Variants in CA10 observed in about 807,000 individuals in gnomAD.
CA10 encodes the protein carbonic anhydrase 10 (inactive), also known as carbonic anhydrase-related protein 10.
A neutral mutation model predicts 44.2 loss-of-function variants in CA10; 14 were observed. The ratio of observed to expected loss-of-function variants is 0.32; its 90% CI spans 0.21 to 0.50. The LOEUF is 0.50. CA10 is among the 20% of genes least tolerant of loss of function. The pLI is 0.99. For synonymous variants in CA10, 159 were observed against 141.6 expected (o/e 1.12, Z -0.87); for missense variants, 350 against 409.7 (o/e 0.85, Z 1.26).
intron 4 of CA10, among the ~76,000 whole-genome samples, chr17:51,675,657 A>C (rs1329825941): frequency 6.6e-6 from 1 of 151,786 alleles, no homozygotes; most frequent in Non-Finnish European, 1.5e-5. Flanking sequence ...CGGAGGTTGC[A>C]GTGAGCCTAG....
intron 3 of CA10, among the ~76,000 whole-genome samples, chr17:51,814,836 A>G (rs1292519839): frequency 1.3e-5 from 2 of 152,154 alleles, no homozygotes; most frequent in Non-Finnish European, 2.9e-5. Context: ...TCCAACCCCC[A>G]TTAAATTCCA....
chr17:51,892,883 G>A (rs1383293028), intron 3 of CA10, among the ~76,000 whole-genome samples: 10 of 152,070 alleles, frequency 6.6e-5, no homozygotes, highest in African/African-American at 2.4e-4. Flanking sequence ...TTGAACAACT[G>A]GAACAACGCT....
chr17:51,810,673 T>C (rs779204925), intron 3 of CA10, among the ~76,000 whole-genome samples: 3 of 152,108 alleles, frequency 2.0e-5, no homozygotes, highest in Non-Finnish European at 4.4e-5. Flanking sequence ...AGTGGAGATA[T>C]GACATGATCA....
At chr17:51,826,946 G>A (rs1287412334) in intron 3 of CA10, among the ~76,000 whole-genome samples, 5 of 152,124 alleles carry the variant, frequency 3.3e-5, no homozygotes, top group African/African-American at 4.8e-5. Flanking sequence ...CTGCACACAC[G>A]TTTGCAAACA....
chr17:51,783,150 A>ATT (rs530962535), intron 3 of CA10, among the ~76,000 whole-genome samples: 44 of 151,638 alleles, frequency 2.9e-4, no homozygotes, highest in Non-Finnish European at 1.6e-4. Context: ...AAGAGAAATG[A>ATT]TTTTTTTTTC....
At chr17:51,947,286 G>A (rs567964082) in intron 2 of CA10, among the ~76,000 whole-genome samples, 4 of 135,210 alleles carry the variant, frequency 3.0e-5, no homozygotes, top group East Asian at 2.5e-4. Context: ...ACCTTTATTT[G>A]TGTACTGTAA....
intron 3 of CA10, among the ~76,000 whole-genome samples, chr17:51,833,281 C>T (rs922640416): frequency 6.6e-6 from 1 of 152,190 alleles, no homozygotes; most frequent in Admixed American, 6.5e-5. Context: ...ACCCTGGAGG[C>T]CAGGATAAAC....
intron 4 of CA10, among the ~76,000 whole-genome samples, chr17:51,663,340 C>T (rs1914081596): frequency 1.3e-5 from 2 of 152,282 alleles, no homozygotes; most frequent in South Asian, 4.2e-4. Flanking sequence ...CGTCTAGATC[C>T]TCCCAGAAGT....
chr17:51,853,727 TG>T (rs1375707764), intron 3 of CA10, among the ~76,000 whole-genome samples: 1 of 152,150 alleles, frequency 6.6e-6, no homozygotes, highest in Non-Finnish European at 1.5e-5. Context: ...GAATGGATCA[TG>T]GGGGCGGTTT....
chr17:51,939,800 C>A (rs1217510541), intron 2 of CA10, among the ~76,000 whole-genome samples: 1 of 151,866 alleles, frequency 6.6e-6, no homozygotes, highest in African/African-American at 2.4e-5. Flanking sequence ...GAGATATTAA[C>A]CTTTTGTGAC....
chr17:51,981,152 C>T (rs1471342195), intron 2 of CA10, among the ~76,000 whole-genome samples: 1 of 152,014 alleles, frequency 6.6e-6, no homozygotes, highest in Non-Finnish European at 1.5e-5. Flanking sequence ...CCATAAGATT[C>T]AGCCTTTTCA....
At chr17:51,818,277 CTTTTT>C (rs954972132) in intron 3 of CA10, among the ~76,000 whole-genome samples, 68 of 152,256 alleles carry the variant, frequency 4.5e-4, no homozygotes, top group Non-Finnish European at 8.1e-4. Context: ...GTAAATCTTT[CTTTTT>C]TAAGTCTGCA....
intron 1 of CA10, among the ~76,000 whole-genome samples, chr17:52,125,041 T>C (rs1989090187): frequency 6.6e-6 from 1 of 152,214 alleles, no homozygotes; most frequent in Non-Finnish European, 1.5e-5. Flanking sequence ...TCACTGTCTG[T>C]CTCTCCTCAC....
intron 1 of CA10, among the ~76,000 whole-genome samples, chr17:52,152,248 A>C (rs1015174526): frequency 6.6e-6 from 1 of 152,176 alleles, no homozygotes; most frequent in African/African-American, 2.4e-5. Context: ...ATTTTAACAA[A>C]GAATCCATTG....
intron 3 of CA10, among the ~76,000 whole-genome samples, chr17:51,809,687 T>C (rs1180767595): frequency 6.6e-6 from 1 of 152,074 alleles, no homozygotes. Context: ...TCACTGGGCT[T>C]TATAGTGGGT....
chr17:51,854,426 T>C (rs1357098434), intron 3 of CA10, among the ~76,000 whole-genome samples: 1 of 152,226 alleles, frequency 6.6e-6, no homozygotes, highest in Non-Finnish European at 1.5e-5. Flanking sequence ...CCATGCAATT[T>C]GTAAGTTAAC....
intron 4 of CA10, among the ~76,000 whole-genome samples, chr17:51,690,619 A>T (rs1220517700): frequency 6.6e-6 from 1 of 152,170 alleles, no homozygotes; most frequent in East Asian, 1.9e-4. Context: ...ATGGTTTTAC[A>T]AAGGGCAGTT....
chr17:51,932,693 A>AGAG (rs1057223464), intron 2 of CA10, among the ~76,000 whole-genome samples: 12 of 152,092 alleles, frequency 7.9e-5, no homozygotes, highest in East Asian at 5.8e-4. Flanking sequence ...AGAGGGAGAA[A>AGAG]GAGGAGGAGG....
At chr17:51,943,542 C>T (rs981414836) in intron 2 of CA10, among the ~76,000 whole-genome samples, 2 of 152,186 alleles carry the variant, frequency 1.3e-5, no homozygotes, top group East Asian at 3.9e-4. Flanking sequence ...CCCAGCCTTT[C>T]GGGGCTCCTG....
Sources: allele counts gnomAD v4.1 joint callset (sites outside exome capture counted in the v4.1 genomes callset), GRCh38; gene constraint gnomAD v4.1.1; transcripts MANE v1.5; gene names NCBI Gene and HGNC (gene_info 2026-07-23, HGNC 2026-07-21).